Variants in SOX5 observed in about 807,000 individuals in gnomAD.
The protein encoded by SOX5 is SRY-box transcription factor 5, also known as transcription factor SOX-5.
In SOX5, 9 loss-of-function variants were observed where a neutral mutation model predicts 92.0. The observed-to-expected ratio is 0.10, with a 90% CI of 0.06 to 0.17. The LOEUF (loss-of-function observed/expected upper bound fraction) is 0.17, where lower values mean the gene tolerates loss of function less well. Among genes scored for constraint, SOX5 ranks in the 10% least tolerant of loss-of-function variants. The pLI is 1.00. For synonymous variants in SOX5, 344 were observed against 336.3 expected (o/e 1.02, Z -0.25); for missense variants, 642 against 944.5 (o/e 0.68, Z 4.20).
At chr12:23,738,275 G>T (rs1240754257) in intron 5 of SOX5, 1 of 152,232 alleles carries the variant, frequency 6.6e-6, no homozygotes, top group Non-Finnish European at 1.5e-5. Flanking sequence ...GCTGGGAGGA[G>T]TGTCAGAAAA....
At chr12:23,758,576 C>G (rs1351642159) in intron 3 of SOX5, among the ~76,000 whole-genome samples, 1 of 151,948 alleles carries the variant, frequency 6.6e-6, no homozygotes, top group Non-Finnish European at 1.5e-5. Flanking sequence ...GAAACCAAAA[C>G]TTAGGAAGTT....
At chr12:23,639,319 G>A (rs529416720) in intron 8 of SOX5, among the ~76,000 whole-genome samples, 2 of 152,192 alleles carry the variant, frequency 1.3e-5, no homozygotes, top group East Asian at 3.9e-4. Context: ...AGCTACTTTC[G>A]AAGAGAGTCG....
intron 3 of SOX5, among the ~76,000 whole-genome samples, chr12:23,822,599 A>C (rs2096141642): frequency 6.6e-6 from 1 of 152,174 alleles, no homozygotes; most frequent in South Asian, 2.1e-4. Context: ...TATTCTGTTG[A>C]TTTGGGGTGG....
At chr12:24,318,001 A>T (rs1949857622) in intron 2 of SOX5, among the ~76,000 whole-genome samples, 1 of 152,160 alleles carries the variant, frequency 6.6e-6, no homozygotes, top group South Asian at 2.1e-4. Context: ...ACCTGAGGTC[A>T]GGAGTTCAAG....
intron 4 of SOX5, among the ~76,000 whole-genome samples, chr12:24,085,858 T>A (rs560572425): frequency 1.3e-5 from 2 of 151,360 alleles, no homozygotes; most frequent in South Asian, 4.2e-4. Flanking sequence ...GACACCCTCC[T>A]CAAATAAAAG....
intron 6 of SOX5, among the ~76,000 whole-genome samples, chr12:23,722,178 C>A (rs994119311): frequency 5.9e-5 from 9 of 152,298 alleles, no homozygotes; most frequent in Non-Finnish European, 1.3e-4. Context: ...ATTTGTGGAA[C>A]TTACAGCTCA....
intron 6 of SOX5, among the ~76,000 whole-genome samples, chr12:23,686,137 G>A (rs571521882): frequency 1.3e-5 from 2 of 152,244 alleles, no homozygotes; most frequent in African/African-American, 4.8e-5. Context: ...GTAGAACAGA[G>A]CAGTCTATAA....
chr12:24,188,523 AAAGG>A (rs1300383583), intron 4 of SOX5, among the ~76,000 whole-genome samples: 3 of 152,192 alleles, frequency 2.0e-5, no homozygotes, highest in Non-Finnish European at 2.9e-5. Context: ...ACTGAGTCTT[AAAGG>A]GTAACAGTAA....
intron 2 of SOX5, among the ~76,000 whole-genome samples, chr12:24,284,346 G>A (rs1243053554): frequency 6.6e-6 from 1 of 152,054 alleles, no homozygotes; most frequent in African/African-American, 2.4e-5. Flanking sequence ...GGCTTCTCTA[G>A]GAGTCACCTT....
At chr12:24,110,323 C>G (rs956634233) in intron 4 of SOX5, among the ~76,000 whole-genome samples, 1 of 152,152 alleles carries the variant, frequency 6.6e-6, no homozygotes, top group Non-Finnish European at 1.5e-5. Flanking sequence ...AGAACAACAA[C>G]AACGCAGTCA....
At chr12:23,976,418 A>C (rs1948916392) in intron 4 of SOX5, among the ~76,000 whole-genome samples, 1 of 150,448 alleles carries the variant, frequency 6.6e-6, no homozygotes, top group Non-Finnish European at 1.5e-5. Flanking sequence ...AAAAAAAAAA[A>C]AAAAAAGAAG....
chr12:24,264,018 C>T (rs572968742), intron 3 of SOX5, among the ~76,000 whole-genome samples: 18 of 152,276 alleles, frequency 1.2e-4, no homozygotes, highest in East Asian at 3.9e-4. Flanking sequence ...ATTTCTGCCT[C>T]ATAGTCTTCA....
chr12:24,018,143 CAG>C (rs149280703), intron 4 of SOX5, among the ~76,000 whole-genome samples: 1,710 of 152,270 alleles, frequency 0.011, 41 homozygotes, highest in African/African-American at 0.038. Context: ...CCGGCTTTCC[CAG>C]AGATTCTTCT....
intron 7 of SOX5, among the ~76,000 whole-genome samples, chr12:23,643,480 A>G (rs1364008954): frequency 1.3e-5 from 2 of 152,298 alleles, no homozygotes; most frequent in East Asian, 3.9e-4. Context: ...CTCATAGGAG[A>G]CATATACTTG....
intron 1 of SOX5, among the ~76,000 whole-genome samples, chr12:24,488,625 C>T (rs1247597669): frequency 6.6e-6 from 1 of 152,162 alleles, no homozygotes; most frequent in Non-Finnish European, 1.5e-5. Flanking sequence ...TCTGCAGTAG[C>T]TGGATCTGAC....
intron 1 of SOX5, among the ~76,000 whole-genome samples, chr12:24,456,823 C>T (rs971641727): frequency 6.6e-6 from 1 of 152,256 alleles, no homozygotes; most frequent in Non-Finnish European, 1.5e-5. Context: ...GAACCTGACT[C>T]GTTATAAATA....
At chr12:23,924,441 G>A (rs1939364222) in intron 1 of SOX5, among the ~76,000 whole-genome samples, 1 of 151,988 alleles carries the variant, frequency 6.6e-6, no homozygotes, top group African/African-American at 2.4e-5. Context: ...TATATAATTT[G>A]ACAAATTACA....
intron 3 of SOX5, among the ~76,000 whole-genome samples, chr12:23,779,093 G>A (rs2095198933): frequency 6.6e-6 from 1 of 152,098 alleles, no homozygotes; most frequent in African/African-American, 2.4e-5. Flanking sequence ...TACTTTCATA[G>A]TAAAACTTTT....
At chr12:24,435,660 C>G (rs1939267838) in intron 1 of SOX5, among the ~76,000 whole-genome samples, 1 of 152,166 alleles carries the variant, frequency 6.6e-6, no homozygotes, top group South Asian at 2.1e-4. Flanking sequence ...AATTAAACAA[C>G]TTGACAAGTG....
Sources: gnomAD v4.1 joint callset for allele counts (sites outside exome capture counted in the v4.1 genomes callset) on GRCh38, gnomAD v4.1.1 for gene constraint, MANE v1.5 for transcripts, NCBI Gene and HGNC (gene_info 2026-07-23, HGNC 2026-07-21) for gene names.